The following GRM7 variants were observed in gnomAD, a reference collection of about 807,000 sequenced individuals.
The protein encoded by GRM7 is metabotropic glutamate receptor 7.
GRM7 carries 35 observed loss-of-function variants against 84.5 expected under a neutral mutation model. That is an observed-to-expected ratio of 0.41 (90% confidence interval 0.32 to 0.55). The LOEUF is 0.55. Among genes scored for constraint, GRM7 ranks in the 20% least tolerant of loss-of-function variants. The probability of loss-of-function intolerance (pLI) is 0.19; values close to 1 mark genes in which losing one functional copy is unlikely to be tolerated. For synonymous variants in GRM7, 487 were observed against 455.1 expected, an observed-to-expected ratio of 1.07 and a Z score of -0.89; for missense variants, 1,003 against 1,194.6, an observed-to-expected ratio of 0.84 and a Z score of 2.36.
intron 4 of GRM7, among the ~76,000 whole-genome samples, chr3:7,316,479 A>T (rs1283626073): frequency 6.6e-6 from 1 of 152,182 alleles, no homozygotes; most frequent in Non-Finnish European, 1.5e-5. Flanking sequence ...AGTAGGGTGA[A>T]CCAGGGTGTA....
intron 9 of GRM7, among the ~76,000 whole-genome samples, chr3:7,682,654 A>G (rs1700424450): frequency 6.6e-6 from 1 of 152,180 alleles, no homozygotes; most frequent in Admixed American, 6.5e-5. Context: ...ACGAAATTAG[A>G]AGTTTTGAGT....
At chr3:7,212,221 TGGACTGAGCTTTAGATCCA>T (rs1316776571) in intron 2 of GRM7, among the ~76,000 whole-genome samples, 6 of 152,016 alleles carry the variant, frequency 3.9e-5, no homozygotes, top group African/African-American at 1.4e-4. Context: ...TTTTTCTTTT[TGGACTGAGCTTTAGATCCA>T]GGCCTAGTAT....
chr3:7,329,815 T>G (rs959791245), intron 4 of GRM7, among the ~76,000 whole-genome samples: 6 of 152,170 alleles, frequency 3.9e-5, no homozygotes, highest in Non-Finnish European at 5.9e-5. Flanking sequence ...TATGTATACT[T>G]AGATATGCAT....
At position 7,227,439 on chromosome 3, in the gene GRM7, A is replaced by G. The variant is rs988126148; in HGVS notation, c.737-71245A>G. Among the ~76,000 whole-genome samples the G allele has an allele frequency of 3.9e-5, 6 of 152,202 alleles. No individual in the cohort carries two copies. The South Asian group carries it at 1.0e-3, about 26-fold the overall frequency. ...TATTCCAGTTTATTCACCATATTGT[A>G]CCGCAGAAGGTAGCCACAATGAGCT... On this transcript the variant is annotated intron_variant, in intron 2 of 9. Coordinates refer to ENST00000357716, the MANE Select transcript of GRM7 (RefSeq NM_000844.4).
At chr3:7,040,907 A>G (rs1696580460) in intron 1 of GRM7, among the ~76,000 whole-genome samples, 1 of 151,618 alleles carries the variant, frequency 6.6e-6, no homozygotes, top group Non-Finnish European at 1.5e-5. Context: ...AAACGGTGAA[A>G]CCCAGTATCT....
intron 1 of GRM7, among the ~76,000 whole-genome samples, chr3:6,881,704 C>A (rs1574963540): frequency 6.6e-6 from 1 of 152,088 alleles, no homozygotes; most frequent in Admixed American, 6.5e-5. Flanking sequence ...CATCACTGAT[C>A]ATTAGAGAAA....
At position 7,660,884 on chromosome 3, in the gene GRM7, T is replaced by C. The variant is rs1055314745; in HGVS notation, c.2452-19165T>C. On this transcript the variant is annotated intron_variant, in intron 8 of 9. Coordinates refer to ENST00000357716, the MANE Select transcript of GRM7 (RefSeq NM_000844.4). ...AATACAATGAATAAGAATAGCTTTT[T>C]CAACAAATGATTCTAGAGTAATAGT... is the stretch of plus-strand genomic sequence containing the variant. Among the ~76,000 whole-genome samples the C allele has an allele frequency of 1.3e-5, 2 of 152,180 alleles. 1 individual carries two copies. The highest frequency in any genetic ancestry group is 1.3e-4 in the Admixed American group (2 of 15,278).
chr3:6,887,878 C>G lies in GRM7; in HGVS notation c.519+25971C>G, dbSNP rs142158089. ...TAAAAGCATTCCTATTTCTCCACAT[C>G]CTCTCCAGCACCTGTTGTTTCCTGA... On this transcript the variant is annotated intron_variant, in intron 1 of 9. Coordinates refer to ENST00000357716, the MANE Select transcript of GRM7 (RefSeq NM_000844.4). Among the ~76,000 whole-genome samples the G allele has an allele frequency of 4.4e-3, 669 of 152,298 alleles. 5 individuals carry two copies. The highest frequency in any genetic ancestry group is 0.015 in the African/African-American group (624 of 41,564).
At chr3:6,903,708 A>T (rs1411699592) in intron 1 of GRM7, among the ~76,000 whole-genome samples, 1 of 152,182 alleles carries the variant, frequency 6.6e-6, no homozygotes, top group Non-Finnish European at 1.5e-5. Context: ...TAATTCACGA[A>T]TTATTCCCCA....
rs996211527 is a variant in GRM7 at position 6,997,788 on chromosome 3, C to G, written c.519+135881C>G. ...TTCGTCCAAAAGTTCAAGTCCAAAG[C>G]CTAATCTCTGACAAGGCAAGTTCTT... is the stretch of plus-strand genomic sequence containing the variant. On this transcript the variant is annotated intron_variant, in intron 1 of 9. Transcript: ENST00000357716. 5.3e-5 allele frequency among the ~76,000 whole-genome samples: 8 copies of G among 152,190 alleles called. No individual in the cohort carries two copies. In the South Asian group the frequency reaches 1.2e-3, roughly 24 times the overall value.
rs114434023 is a variant in GRM7 at position 7,591,086 on chromosome 3, G to A, written c.2451+11729G>A. ...TTCTACCCTCAATATATTGTTTAGA[G>A]AGAGCCATGTACACTAATGTCTGTG... On this transcript the variant is annotated intron_variant, in intron 8 of 9. Transcript: ENST00000357716. 1.5e-3 allele frequency among the ~76,000 whole-genome samples: 221 copies of A among 152,256 alleles called. 1 individual carries two copies. The highest frequency in any genetic ancestry group is 4.8e-3 in the African/African-American group (200 of 41,560).
At chr3:6,944,440 C>T (rs1697991310) in intron 1 of GRM7, among the ~76,000 whole-genome samples, 1 of 152,022 alleles carries the variant, frequency 6.6e-6, no homozygotes, top group Non-Finnish European at 1.5e-5. Context: ...ACTTATATGG[C>T]TTTTCTTTTT....
chr3:7,384,693 A>T (rs188404678), intron 4 of GRM7, among the ~76,000 whole-genome samples: 1 of 152,326 alleles, frequency 6.6e-6, no homozygotes, highest in African/African-American at 2.4e-5. Flanking sequence ...TGATCAAGAC[A>T]CGTTTCAGTT....
At chr3:6,907,192 A>G (rs924656412) in intron 1 of GRM7, among the ~76,000 whole-genome samples, 1 of 152,190 alleles carries the variant, frequency 6.6e-6, no homozygotes, top group Non-Finnish European at 1.5e-5. Context: ...GGCATGAGCC[A>G]CTATGCTTGG....
At chr3:7,645,595 C>T (rs1698598750) in intron 8 of GRM7, among the ~76,000 whole-genome samples, 1 of 150,538 alleles carries the variant, frequency 6.6e-6, no homozygotes, top group Non-Finnish European at 1.5e-5. Flanking sequence ...CCTACATTCC[C>T]TATCTCCCTA....
chr3:6,908,913 A>G (rs1696673542), intron 1 of GRM7, among the ~76,000 whole-genome samples: 1 of 152,112 alleles, frequency 6.6e-6, no homozygotes, highest in Non-Finnish European at 1.5e-5. Flanking sequence ...AGGTAAGTCA[A>G]GAATGCCCTT....
intron 2 of GRM7, among the ~76,000 whole-genome samples, chr3:7,252,838 G>A (rs1275729216): frequency 6.6e-6 from 1 of 150,766 alleles, no homozygotes; most frequent in African/African-American, 2.4e-5. Context: ...ATAGGCGCCC[G>A]CCACCACACC....
At chr3:7,244,579 A>G (rs1314448867) in intron 2 of GRM7, among the ~76,000 whole-genome samples, 1 of 152,124 alleles carries the variant, frequency 6.6e-6, no homozygotes, top group Non-Finnish European at 1.5e-5. Context: ...TTTAAACTCC[A>G]GAAGTAACAT....
chr3:6,934,392 GC>G lies in GRM7; in HGVS notation c.519+72491del, dbSNP rs149649051. Among the ~76,000 whole-genome samples, 503 of 152,066 alleles carry G rather than the reference GC, an allele frequency of 3.3e-3. 23 individuals carry two copies. The East Asian group carries it at 0.088, about 27-fold the overall frequency. ...ACAATAGTAAGGTACCATGAAAACT[GC>G]CCCCCACCCTGCCCCATCTCTTCAT... On this transcript the variant is annotated intron_variant, in intron 1 of 9. Coordinates refer to ENST00000357716, the MANE Select transcript of GRM7 (RefSeq NM_000844.4).
Sources: allele counts gnomAD v4.1 joint callset (sites outside exome capture counted in the v4.1 genomes callset), GRCh38; gene constraint gnomAD v4.1.1; transcripts MANE v1.5; gene names NCBI Gene and HGNC (gene_info 2026-07-23, HGNC 2026-07-21).